The following KHDRBS2 variants were observed in gnomAD, a reference collection of about 807,000 sequenced individuals.
KHDRBS2 encodes the protein KH RNA binding domain containing, signal transduction associated 2.
KHDRBS2 carries 26 observed loss-of-function variants against 44.3 expected under a neutral mutation model. That is an observed-to-expected ratio of 0.59 (90% CI 0.43 to 0.81). The LOEUF (loss-of-function observed/expected upper bound fraction) is 0.81, where lower values mean the gene tolerates loss of function less well. KHDRBS2 is among the 40% of genes least tolerant of loss of function. The pLI is 0.00. For missense variants in KHDRBS2, 476 were observed against 433.1 expected, an observed-to-expected ratio of 1.10 and a Z score of -0.88; for synonymous variants, 194 against 151.1, an observed-to-expected ratio of 1.28 and a Z score of -2.08.
intron 4 of KHDRBS2, among the ~76,000 whole-genome samples, chr6:61,956,826 A>ATTTGATT (rs1481039329): frequency 2.6e-5 from 4 of 152,144 alleles, no homozygotes; most frequent in East Asian, 3.9e-4. Flanking sequence ...ATAATATCTC[A>ATTTGATT]TTTGATTTTT....
At chr6:62,274,816 T>G (rs1840656353) in intron 1 of KHDRBS2, among the ~76,000 whole-genome samples, 2 of 152,072 alleles carry the variant, frequency 1.3e-5, no homozygotes, top group African/African-American at 4.8e-5. Flanking sequence ...AAACTAAATG[T>G]AAATCTCAAA....
chr6:62,103,323 T>G (rs533392535), intron 2 of KHDRBS2, among the ~76,000 whole-genome samples: 21 of 152,192 alleles, frequency 1.4e-4, no homozygotes, highest in Non-Finnish European at 2.9e-4. Flanking sequence ...GGGAACAGCC[T>G]TCAGCCCCCT....
At chr6:61,566,958 C>A in the KHDRBS2 span, among the ~76,000 whole-genome samples, 2 of 152,200 alleles carry the variant, frequency 1.3e-5, no homozygotes, top group South Asian at 2.1e-4. Flanking sequence ...CTGAACCCAA[C>A]TCTACTGAAA....
chr6:61,602,694 C>G, the KHDRBS2 span, among the ~76,000 whole-genome samples: 3 of 152,150 alleles, frequency 2.0e-5, no homozygotes, highest in African/African-American at 4.8e-5. Context: ...GCTACCCACT[C>G]CACATTACCT....
chr6:61,615,392 C>A, the KHDRBS2 span, among the ~76,000 whole-genome samples: 1 of 151,966 alleles, frequency 6.6e-6, no homozygotes, highest in African/African-American at 2.4e-5. Flanking sequence ...AAGTGCTGAA[C>A]CTTTTCTGTT....
intron 1 of KHDRBS2, among the ~76,000 whole-genome samples, chr6:62,270,959 G>GT (rs1839998475): frequency 1.3e-5 from 2 of 152,156 alleles, no homozygotes; most frequent in East Asian, 3.9e-4. Context: ...TACCTACCAT[G>GT]TTTTTTCTAC....
chr6:61,772,121 TGA>T (rs1781026136), intron 6 of KHDRBS2, among the ~76,000 whole-genome samples: 1 of 152,062 alleles, frequency 6.6e-6, no homozygotes, highest in Admixed American at 6.6e-5. Context: ...TCTTTGAAAC[TGA>T]CGAGAACAAA....
chr6:61,768,380 T>G (rs1780319202), intron 6 of KHDRBS2, among the ~76,000 whole-genome samples: 1 of 152,182 alleles, frequency 6.6e-6, no homozygotes. Flanking sequence ...TTCTTGTCCT[T>G]AAATATTGAT....
intron 3 of KHDRBS2, among the ~76,000 whole-genome samples, chr6:62,036,893 A>G (rs1387741029): frequency 6.6e-6 from 1 of 151,996 alleles, no homozygotes; most frequent in Admixed American, 6.6e-5. Flanking sequence ...CTAACTTACT[A>G]TGAGTATTAT....
intron 7 of KHDRBS2, among the ~76,000 whole-genome samples, chr6:61,702,056 T>C (rs374193677): frequency 1.1e-3 from 164 of 152,016 alleles, no homozygotes; most frequent in African/African-American, 3.8e-3. Flanking sequence ...GTATTTTTTT[T>C]TTAACAGAAA....
At chr6:61,949,898 G>T (rs1444677808) in intron 4 of KHDRBS2, among the ~76,000 whole-genome samples, 1 of 151,736 alleles carries the variant, frequency 6.6e-6, no homozygotes, top group African/African-American at 2.4e-5. Context: ...ATAGAAATTG[G>T]CAATATTAGC....
intron 2 of KHDRBS2, among the ~76,000 whole-genome samples, chr6:62,144,166 G>A (rs1248608357): frequency 6.6e-6 from 1 of 151,714 alleles, no homozygotes; most frequent in Admixed American, 6.6e-5. Flanking sequence ...AAATAAATTA[G>A]TGAAAACCTC....
intron 6 of KHDRBS2, among the ~76,000 whole-genome samples, chr6:61,793,319 T>C (rs1270449137): frequency 6.6e-6 from 1 of 152,054 alleles, no homozygotes; most frequent in East Asian, 1.9e-4. Flanking sequence ...ATATATGTCA[T>C]TGTGTAGGGT....
chr6:61,985,161 T>C (rs1774805818), intron 3 of KHDRBS2, among the ~76,000 whole-genome samples: 1 of 152,178 alleles, frequency 6.6e-6, no homozygotes. Context: ...ATGCTTACTC[T>C]TTTTTGCCCT....
At chr6:61,658,700 G>C in the KHDRBS2 span, among the ~76,000 whole-genome samples, 1 of 151,882 alleles carries the variant, frequency 6.6e-6, no homozygotes, top group Admixed American at 6.6e-5. Flanking sequence ...TGCATACGCA[G>C]TTAAGAACCA....
At chr6:62,070,861 G>A (rs559329227) in intron 2 of KHDRBS2, among the ~76,000 whole-genome samples, 1 of 152,266 alleles carries the variant, frequency 6.6e-6, no homozygotes, top group Non-Finnish European at 1.5e-5. Flanking sequence ...ACCCAGCAAT[G>A]GGATGGCTGG....
chr6:62,240,672 G>GTATATATATATATA (rs4036655), intron 1 of KHDRBS2, among the ~76,000 whole-genome samples: 16 of 64,148 alleles, frequency 2.5e-4, no homozygotes, highest in South Asian at 7.0e-4. Context: ...ATGTGTGTGT[G>GTATATATATATATA]TATATATATA....
At chr6:62,005,078 T>A (rs1010613043) in intron 3 of KHDRBS2, among the ~76,000 whole-genome samples, 6 of 152,124 alleles carry the variant, frequency 3.9e-5, no homozygotes, top group African/African-American at 1.4e-4. Context: ...TTTTTAGAGT[T>A]CATTTAAGAG....
chr6:62,149,383 T>C (rs764052142), intron 2 of KHDRBS2, among the ~76,000 whole-genome samples: 120 of 152,048 alleles, frequency 7.9e-4, no homozygotes, highest in Non-Finnish European at 3.5e-4. Flanking sequence ...GTCTTTGAGA[T>C]CCTATGAGGA....
Sources: gnomAD v4.1 joint callset for allele counts (sites outside exome capture counted in the v4.1 genomes callset) on GRCh38, gnomAD v4.1.1 for gene constraint, MANE v1.5 for transcripts, NCBI Gene and HGNC (gene_info 2026-07-23, HGNC 2026-07-21) for gene names.